The following PRKAR1A variants were observed in gnomAD, a reference collection of about 807,000 sequenced individuals.
PRKAR1A encodes the protein protein kinase cAMP-dependent type I regulatory subunit alpha.
PRKAR1A carries 3 observed loss-of-function variants against 52.0 expected under a neutral mutation model. That is an observed-to-expected ratio of 0.06 (90% CI 0.03 to 0.15). PRKAR1A has a LOEUF of 0.15. Ranked by LOEUF, PRKAR1A falls within the 10% of genes least tolerant of loss-of-function variation. The pLI, the probability that PRKAR1A is intolerant of heterozygous loss-of-function variation, is 1.00. For missense variants in PRKAR1A, 240 were observed against 477.4 expected (o/e 0.50, Z 4.63); for synonymous variants, 188 against 168.4 (o/e 1.12, Z -0.90).
At chr17:68,486,559 TTCTTTC>T in the PRKAR1A span, among the ~76,000 whole-genome samples, 1 of 144,098 alleles carries the variant, frequency 6.9e-6, no homozygotes, top group Non-Finnish European at 1.5e-5. Context: ...CTTTCTTTCT[TTCTTTC>T]TTTCTTCTTT....
At chr17:68,482,999 T>C in the PRKAR1A span, among the ~76,000 whole-genome samples, 2 of 152,214 alleles carry the variant, frequency 1.3e-5, no homozygotes, top group African/African-American at 4.8e-5. Context: ...TTTGAACAAA[T>C]CATGCTGTGG....
chr17:68,461,725 AGGGCCCT>A, the PRKAR1A span, among the ~76,000 whole-genome samples: 1 of 152,168 alleles, frequency 6.6e-6, no homozygotes. The surrounding 1 kb of genome is among the most constrained non-coding windows in gnomAD (Gnocchi z 4.6). Context: ...TAAAGGAGGA[AGGGCCCT>A]GGGACAATGG....
intron 11 of PRKAR1A, among the ~76,000 whole-genome samples, chr17:68,548,554 T>G (rs915968986): frequency 1.3e-5 from 2 of 151,310 alleles, no homozygotes; most frequent in Non-Finnish European, 1.5e-5. Context: ...TGAAATATTG[T>G]GAGAATTACC....
At chr17:68,534,270 G>A (rs2086047465), downstream of PRKAR1A, among the ~76,000 whole-genome samples, 1 of 152,272 alleles carries the variant, frequency 6.6e-6, no homozygotes, top group Middle Eastern at 3.4e-3. Flanking sequence ...TTAAGTAGCT[G>A]TGTGATTTTA....
At chr17:68,505,618 G>C in the PRKAR1A span, among the ~76,000 whole-genome samples, 5 of 152,128 alleles carry the variant, frequency 3.3e-5, no homozygotes, top group Admixed American at 2.0e-4. Flanking sequence ...TTTGAGACCA[G>C]CCTGGGCAAC....
At chr17:68,433,760 GTTTTTTTTTTTTTTT>G in the PRKAR1A span, among the ~76,000 whole-genome samples, 12 of 72,822 alleles carry the variant, frequency 1.6e-4, no homozygotes, top group East Asian at 6.0e-4. Context: ...AAGGGTCATA[GTTTTTTTTTTTTTTT>G]TTTTTTTTTT....
At chr17:68,464,255 G>A in the PRKAR1A span, among the ~76,000 whole-genome samples, 7 of 152,286 alleles carry the variant, frequency 4.6e-5, no homozygotes, top group East Asian at 1.9e-4. Flanking sequence ...TGAGATATCC[G>A]ATGATGAAAC....
At chr17:68,482,133 T>C in the PRKAR1A span, among the ~76,000 whole-genome samples, 1 of 152,070 alleles carries the variant, frequency 6.6e-6, no homozygotes, top group Non-Finnish European at 1.5e-5. Context: ...TCCAAGGAGA[T>C]GTTGGAGTTG....
chr17:68,535,575 TG>T (rs1186001264), downstream of PRKAR1A: 7 of 453,938 alleles, frequency 1.5e-5, no homozygotes, highest in Non-Finnish European at 2.6e-5. Flanking sequence ...AGACAGTGAA[TG>T]AAGTGGGGAG....
chr17:68,476,537 G>A, the PRKAR1A span, among the ~76,000 whole-genome samples: 2 of 152,110 alleles, frequency 1.3e-5, no homozygotes, highest in Non-Finnish European at 2.9e-5. Context: ...GGCAACCACT[G>A]TTACCAGCTT....
the PRKAR1A span, among the ~76,000 whole-genome samples, chr17:68,479,443 T>C: frequency 6.6e-6 from 1 of 152,324 alleles, no homozygotes; most frequent in Admixed American, 6.5e-5. Context: ...TGGCATGTTT[T>C]CCGATGCTCA....
the PRKAR1A span, chr17:68,426,254 G>GCCCCC: frequency 2.4e-6 from 2 of 816,910 alleles, no homozygotes; most frequent in Non-Finnish European, 3.9e-6. Context: ...GGGAGCGGGG[G>GCCCCC]CTCAAATAAA....
Position 68,522,788 on chromosome 17 carries a change from A to G in PRKAR1A, c.210A>G (p.Lys70=), listed in dbSNP as rs2143272548. Residue 70 remains lysine, a synonymous_variant, in exon 3 of 11, where the codon AAA becomes AAG. Coordinates refer to ENST00000589228, the MANE Select transcript of PRKAR1A (RefSeq NM_002734.5). ...CAAAACAGATTCAGAATCTGCAGAA[A>G]GCAGGCACTCGTACAGACTCAAGGG... ...EEAKQIQNLQ[K]AGTRTDSRED... is the part of the protein sequence containing the mutation. 1 of 1,614,162 alleles carries G rather than the reference A, an allele frequency of 6.2e-7. No homozygotes were observed. The highest frequency in any genetic ancestry group is 8.5e-7 in the Non-Finnish European group (1 of 1,180,004).
intron 11 of PRKAR1A, chr17:68,541,739 T>C (rs953402044): frequency 1.8e-4 from 81 of 445,656 alleles, no homozygotes; most frequent in Middle Eastern, 1.2e-3. Flanking sequence ...GGAGAGAGTC[T>C]GAGTCTTCCA....
At chr17:68,465,661 G>A in the PRKAR1A span, among the ~76,000 whole-genome samples, 3 of 52,394 alleles carry the variant, frequency 5.7e-5, no homozygotes, top group South Asian at 1.2e-3. Context: ...TAGAGACGGG[G>A]TTTCACCATG....
the PRKAR1A span, among the ~76,000 whole-genome samples, chr17:68,459,410 A>T: frequency 1.3e-5 from 2 of 152,362 alleles, no homozygotes; most frequent in East Asian, 3.9e-4. Flanking sequence ...TTTGGACTTT[A>T]TGGGATAGAC....
intron 2 of PRKAR1A, among the ~76,000 whole-genome samples, chr17:68,516,070 G>C (rs2085423265): frequency 6.6e-6 from 1 of 152,054 alleles, no homozygotes; most frequent in African/African-American, 2.4e-5. Flanking sequence ...TTTTAGTATA[G>C]AGTATATCTG....
rs1161181036 is a variant in PRKAR1A at position 68,530,287 on chromosome 17, A to G, written c.984A>G (p.Ala328=). ...CTTTGCTTTCTCCAGGTGAAATTGCACTACTGATGAATCGTCCTCGTGCTG... is the reference window on the plus strand; with the variant it reads ...CTTTGCTTTCTCCAGGTGAAATTGCGCTACTGATGAATCGTCCTCGTGCTG... The part of the protein sequence containing the change: ...LGPSDYFGEI[A]LLMNRPRAAT... Residue 328 remains alanine (A), a synonymous_variant, in exon 11 of 11, where the codon GCA becomes GCG. Coordinates refer to ENST00000589228, the MANE Select transcript of PRKAR1A (RefSeq NM_002734.5). The G allele has an allele frequency of 5.6e-6, 9 of 1,614,022 alleles. No individual in the cohort carries two copies. In the African/African-American group the frequency reaches 6.7e-5, roughly 12 times the overall value.
the PRKAR1A span, among the ~76,000 whole-genome samples, chr17:68,439,775 A>G: frequency 2.0e-5 from 3 of 152,170 alleles, no homozygotes; most frequent in African/African-American, 4.8e-5. Context: ...CTGCTCTTTC[A>G]GGCCTGTTTC....
Sources: allele counts gnomAD v4.1 joint callset (sites outside exome capture counted in the v4.1 genomes callset), GRCh38; gene constraint gnomAD v4.1.1; non-coding constraint Gnocchi (gnomAD v3.1); transcripts MANE v1.5; gene names NCBI Gene and HGNC (gene_info 2026-07-23, HGNC 2026-07-21).